The following CNTN5 variants were observed in gnomAD, a reference collection of about 807,000 sequenced individuals.
The protein encoded by CNTN5 is contactin-5.
CNTN5 carries 77 observed loss-of-function variants against 129.1 expected under a neutral mutation model. The ratio of observed to expected loss-of-function variants is 0.60; its 90% confidence interval spans 0.50 to 0.72. CNTN5 has a LOEUF of 0.72. Ranked by LOEUF, CNTN5 falls within the 30% of genes least tolerant of loss-of-function variation. CNTN5 has a pLI of 0.00. For synonymous variants in CNTN5, 509 were observed against 465.6 expected (o/e 1.09, Z -1.20); for missense variants, 1,478 against 1,328.8 (o/e 1.11, Z -1.75).
chr11:99,703,287 A>G (rs1302988159), intron 3 of CNTN5, among the ~76,000 whole-genome samples: 1 of 149,248 alleles, frequency 6.7e-6, no homozygotes, highest in African/African-American at 2.4e-5. Context: ...TCAAGATTAA[A>G]ACAAGCCATA....
At chr11:100,165,921 T>G (rs1354771838) in intron 13 of CNTN5, among the ~76,000 whole-genome samples, 1 of 151,718 alleles carries the variant, frequency 6.6e-6, no homozygotes, top group African/African-American at 2.4e-5. Flanking sequence ...AGGACATAAC[T>G]AAGGAAGGAT....
intron 13 of CNTN5, among the ~76,000 whole-genome samples, chr11:100,162,670 G>A (rs922725511): frequency 1.4e-4 from 21 of 151,678 alleles, no homozygotes; most frequent in Admixed American, 7.9e-4. Context: ...ATTACAATCA[G>A]GAACATCAAA....
rs1262657525 is a variant in CNTN5, at chr11:99,607,663, G to A, written c.55+51394G>A. 2.3e-3 allele frequency among the ~76,000 whole-genome samples: 263 copies of A among 115,436 alleles called. 1 individual carries two copies. The highest frequency in any genetic ancestry group is 3.9e-3 in the Non-Finnish European group (205 of 52,220). The allele number at this position is 115,436 out of a possible 152,430, so 75.7% of individuals were successfully genotyped here. On this transcript the variant is annotated intron_variant, in intron 3 of 24. Coordinates refer to ENST00000524871, the MANE Select transcript of CNTN5 (RefSeq NM_014361.4). ...ACACATGCACACGTATGTTTATTGC[G>A]GCACTATTCACAATAGCAAAGACTT...
chr11:99,221,506 A>G (rs2135703211), intron 1 of CNTN5, among the ~76,000 whole-genome samples: 1 of 152,058 alleles, frequency 6.6e-6, no homozygotes, highest in African/African-American at 2.4e-5. Context: ...GGTGACATAA[A>G]TGTCACATGA....
In CNTN5 at chr11:100,319,160, T is replaced by A. The variant is rs148859560; in HGVS notation, c.2730+10692T>A. Among the ~76,000 whole-genome samples, 627 of 150,572 alleles carry A rather than the reference T, an allele frequency of 4.2e-3. 17 individuals are homozygous for A. Among genetic ancestry groups the A allele is most frequent in the Admixed American group, 0.033 (493 of 15,154 alleles). ...CTGTTTTCTTTTTCTTTTCTTTTTT[T>A]TTTTTTTTTTGAGATGGAGTCTCGC... On this transcript the variant is annotated intron_variant, in intron 21 of 24. Coordinates refer to ENST00000524871, the MANE Select transcript of CNTN5 (RefSeq NM_014361.4).
rs376209844 is a variant in CNTN5 at position 99,036,895 on chromosome 11, C to A, written c.-210+15625C>A. Among the ~76,000 whole-genome samples, 23 of 152,284 alleles carry A rather than the reference C, an allele frequency of 1.5e-4. No individual in the cohort carries two copies. The East Asian group carries it at 2.5e-3, about 17-fold the overall frequency. ...TTCGCCAGTGATGTTCTGAGTTGAT[C>A]TTTTTCCTAGTCCCTTTACATATTA... On this transcript the variant is annotated intron_variant, in intron 1 of 24. Transcript: ENST00000524871.
intron 1 of CNTN5, among the ~76,000 whole-genome samples, chr11:99,272,822 A>G (rs1863238030): frequency 6.6e-6 from 1 of 151,900 alleles, no homozygotes; most frequent in Non-Finnish European, 1.5e-5. Context: ...TAAAATTCAA[A>G]TTAATATTAG....
intron 3 of CNTN5, among the ~76,000 whole-genome samples, chr11:99,815,120 C>T (rs1313121941): frequency 6.6e-6 from 1 of 152,066 alleles, no homozygotes; most frequent in Admixed American, 6.6e-5. Context: ...GATTATAATT[C>T]AAGATGGGAT....
intron 1 of CNTN5, among the ~76,000 whole-genome samples, chr11:99,103,811 A>G (rs1205975468): frequency 6.6e-6 from 1 of 152,088 alleles, no homozygotes; most frequent in African/African-American, 2.4e-5. Flanking sequence ...CATAGGGGAC[A>G]AGGTCATGTA....
intron 1 of CNTN5, among the ~76,000 whole-genome samples, chr11:99,239,826 A>G (rs1328056603): frequency 6.6e-6 from 1 of 151,636 alleles, no homozygotes; most frequent in Non-Finnish European, 1.5e-5. Flanking sequence ...AGTCCCAGCT[A>G]CTCGGGAGGC....
intron 3 of CNTN5, among the ~76,000 whole-genome samples, chr11:99,637,930 G>A (rs1359960776): frequency 2.6e-5 from 4 of 151,936 alleles, no homozygotes; most frequent in Admixed American, 6.6e-5. Context: ...GTGTTAAGAG[G>A]GCTCTTGTAG....
At chr11:100,141,153 T>C (rs1475986774) in intron 13 of CNTN5, among the ~76,000 whole-genome samples, 2 of 151,844 alleles carry the variant, frequency 1.3e-5, no homozygotes, top group Non-Finnish European at 2.9e-5. Context: ...CATGTTAAAG[T>C]TGGAGAGGGG....
At chr11:99,763,815 G>GA (rs1229386654) in intron 3 of CNTN5, among the ~76,000 whole-genome samples, 3 of 151,948 alleles carry the variant, frequency 2.0e-5, no homozygotes, top group African/African-American at 7.2e-5. Context: ...TAGAGAAATA[G>GA]AACAACCGTA....
chr11:99,989,677 A>C (rs1360960211), intron 8 of CNTN5, among the ~76,000 whole-genome samples: 1 of 152,234 alleles, frequency 6.6e-6, no homozygotes, highest in Non-Finnish European at 1.5e-5. Context: ...TATGAAAATA[A>C]TAAACATCTA....
At chr11:99,844,390 G>C (rs1317486410) in intron 4 of CNTN5, among the ~76,000 whole-genome samples, 1 of 151,988 alleles carries the variant, frequency 6.6e-6, no homozygotes, top group African/African-American at 2.4e-5. Context: ...AATTAATGAA[G>C]AATATAAAAA....
intron 3 of CNTN5, among the ~76,000 whole-genome samples, chr11:99,739,993 A>T (rs1943837829): frequency 6.6e-6 from 1 of 152,136 alleles, no homozygotes; most frequent in Admixed American, 6.6e-5. Context: ...TCCCCTACTA[A>T]TTTACCCACA....
intron 3 of CNTN5, among the ~76,000 whole-genome samples, chr11:99,744,985 A>G (rs564636701): frequency 6.6e-6 from 1 of 152,322 alleles, no homozygotes; most frequent in African/African-American, 2.4e-5. Context: ...ACAATTACAA[A>G]GATCAGTCCT....
At chr11:99,166,020 A>G (rs1860848807) in intron 1 of CNTN5, among the ~76,000 whole-genome samples, 1 of 152,218 alleles carries the variant, frequency 6.6e-6, no homozygotes, top group South Asian at 2.1e-4. Flanking sequence ...CAGTTCTTTC[A>G]TCTGGATATT....
chr11:100,178,479 T>A (rs1361289572), intron 13 of CNTN5, among the ~76,000 whole-genome samples: 1 of 152,190 alleles, frequency 6.6e-6, no homozygotes, highest in Non-Finnish European at 1.5e-5. Context: ...TGATACATAA[T>A]TTTAACATTC....
Sources: gnomAD v4.1 joint callset for allele counts (sites outside exome capture counted in the v4.1 genomes callset) on GRCh38, gnomAD v4.1.1 for gene constraint, MANE v1.5 for transcripts, NCBI Gene and HGNC (gene_info 2026-07-23, HGNC 2026-07-21) for gene names.